Variants in RABGEF1 observed in about 807,000 individuals in gnomAD.
RABGEF1 encodes the protein rab5 GDP/GTP exchange factor.
RABGEF1 carries 26 observed loss-of-function variants against 57.3 expected under a neutral mutation model. The ratio of observed to expected loss-of-function variants is 0.45; its 90% CI spans 0.33 to 0.63. The LOEUF (loss-of-function observed/expected upper bound fraction) is 0.63, where lower values mean the gene tolerates loss of function less well. RABGEF1 is among the 20% of genes least tolerant of loss of function. The pLI, the probability that RABGEF1 is intolerant of heterozygous loss-of-function variation, is 0.02. For missense variants in RABGEF1, 464 were observed against 607.6 expected, an observed-to-expected ratio of 0.76 and a Z score of 2.48; for synonymous variants, 185 against 210.7, an observed-to-expected ratio of 0.88 and a Z score of 1.06.
chr7:66,729,778 T>C lies in RABGEF1; in HGVS notation c.-814-10218T>C, dbSNP rs1041365872. 1.1e-4 allele frequency among the ~76,000 whole-genome samples: 16 copies of C among 152,336 alleles called. No homozygotes were observed. The South Asian group carries it at 3.1e-3, about 30-fold the overall frequency. ...GAGGTGACCCTAGATGATGGATGGA[T>C]GTGGCCAGGTTGCAGGTCCTGGCTG... is the stretch of plus-strand genomic sequence containing the variant. On this transcript the variant is annotated intron_variant and NMD_transcript_variant, in intron 2 of 9. Transcript: ENST00000607882.
chr7:66,665,304 C>T, the RABGEF1 span: 1 of 120,492 alleles, frequency 8.3e-6, no homozygotes, highest in South Asian at 2.5e-4. Flanking sequence ...ACCACTATGC[C>T]GTGCTAATTT....
intron 2 of RABGEF1, among the ~76,000 whole-genome samples, chr7:66,712,705 T>A (rs1562725390): frequency 6.6e-6 from 1 of 152,208 alleles, no homozygotes; most frequent in Non-Finnish European, 1.5e-5. Flanking sequence ...ATTCCCAGGC[T>A]CAAGGGATCC....
At chr7:66,758,475 C>G (rs1803339645) in intron 1 of RABGEF1, among the ~76,000 whole-genome samples, 1 of 152,168 alleles carries the variant, frequency 6.6e-6, no homozygotes, top group Admixed American at 6.6e-5. Flanking sequence ...AACCAAGCTT[C>G]TATTTATTGG....
chr7:66,739,180 C>A (rs936073560), upstream of RABGEF1, among the ~76,000 whole-genome samples: 6 of 151,922 alleles, frequency 3.9e-5, no homozygotes, highest in Admixed American at 3.9e-4. Flanking sequence ...GAACTCCCGA[C>A]CTCAGGTGAT....
intron 1 of RABGEF1, among the ~76,000 whole-genome samples, chr7:66,761,196 G>T (rs1276987005): frequency 6.6e-6 from 1 of 152,016 alleles, no homozygotes; most frequent in Non-Finnish European, 1.5e-5. Context: ...ACACCAGCTG[G>T]GTGTCTTCTA....
the RABGEF1 span, among the ~76,000 whole-genome samples, chr7:66,661,851 G>C: frequency 6.6e-6 from 1 of 152,176 alleles, no homozygotes; most frequent in African/African-American, 2.4e-5. Flanking sequence ...ATGAACATTG[G>C]TTAAAAAATT....
At chr7:66,777,208 T>A (rs1808765635) in intron 3 of RABGEF1, among the ~76,000 whole-genome samples, 1 of 152,200 alleles carries the variant, frequency 6.6e-6, no homozygotes, top group African/African-American at 2.4e-5. Context: ...TGATATGTAG[T>A]GAAATGATAA....
chr7:66,689,026 G>C (rs1791129395), intron 1 of RABGEF1, among the ~76,000 whole-genome samples: 1 of 152,182 alleles, frequency 6.6e-6, no homozygotes, highest in East Asian at 1.9e-4. Flanking sequence ...CTGGGAGAGG[G>C]AGGTTGCAGT....
At chr7:66,793,751 C>T (rs930958581) in intron 4 of RABGEF1, among the ~76,000 whole-genome samples, 1 of 152,028 alleles carries the variant, frequency 6.6e-6, no homozygotes, top group African/African-American at 2.4e-5. Flanking sequence ...GCCATGAGTG[C>T]TTGGCCATTT....
chr7:66,779,029 C>G (rs1280028112), intron 3 of RABGEF1, among the ~76,000 whole-genome samples: 1 of 152,020 alleles, frequency 6.6e-6, no homozygotes, highest in African/African-American at 2.4e-5. Flanking sequence ...TCAGGAGAAT[C>G]GCTTGAACCC....
At chr7:66,786,171 G>A (rs905413505) in intron 4 of RABGEF1, among the ~76,000 whole-genome samples, 1 of 152,080 alleles carries the variant, frequency 6.6e-6, no homozygotes, top group South Asian at 2.1e-4. Flanking sequence ...TGTATATGCC[G>A]GTGGTGAGCA....
the RABGEF1 span, among the ~76,000 whole-genome samples, chr7:66,658,820 C>G: frequency 6.6e-6 from 1 of 152,242 alleles, no homozygotes; most frequent in South Asian, 2.1e-4. Context: ...ACTGCAAGCT[C>G]TGGCTCCCGG....
chr7:66,677,295 C>T (rs1266693150), upstream of RABGEF1, among the ~76,000 whole-genome samples: 1 of 152,096 alleles, frequency 6.6e-6, no homozygotes, highest in African/African-American at 2.4e-5. Flanking sequence ...ACATCATACT[C>T]AATGGTGAAA....
chr7:66,733,299 G>A (rs1476210595), intron 2 of RABGEF1, among the ~76,000 whole-genome samples: 5 of 152,222 alleles, frequency 3.3e-5, no homozygotes, highest in African/African-American at 1.2e-4. Flanking sequence ...CCACCCCCTC[G>A]AGGCTGCCCC....
upstream of RABGEF1, among the ~76,000 whole-genome samples, chr7:66,738,031 T>TG (rs1798245861): frequency 7.3e-6 from 1 of 136,696 alleles, no homozygotes; most frequent in African/African-American, 3.0e-5. Context: ...TTGTTTTTTT[T>TG]TTTTTTTGAG....
chr7:66,805,086 C>T (rs180932020), intron 7 of RABGEF1, 54 bp from the exon 8 acceptor site: 22 of 1,518,920 alleles, frequency 1.4e-5, no homozygotes, highest in Non-Finnish European at 1.9e-5. Flanking sequence ...TTTCCTATTG[C>T]TTCTTTTTTG....
rs1412613035 is a variant in RABGEF1 at position 66,810,991 on chromosome 7, CA to C, written c.*1710del. ...CGCACAGAAGGTGATAAGTTACTAT[CA>C]AATGCCAGTGAGAATCTTCTTATAG... On this transcript the variant is annotated 3_prime_UTR_variant, in exon 9 of 9. Coordinates refer to ENST00000284957, the MANE Select transcript of RABGEF1 (RefSeq NM_014504.3). The C allele has an allele frequency of 3.9e-5, 6 of 152,216 alleles. No homozygotes were observed. The highest frequency in any genetic ancestry group is 8.8e-5 in the Non-Finnish European group (6 of 68,042). 9.4% of individuals were successfully genotyped at this position (152,216 alleles called of 1,614,324 possible).
At chr7:66,770,256 C>G (rs1806773129) in intron 1 of RABGEF1, 1 of 152,148 alleles carries the variant, frequency 6.6e-6, no homozygotes, top group Non-Finnish European at 1.5e-5. Context: ...TTAATTTTAT[C>G]TGCACATGTG....
Position 66,775,224 on chromosome 7 carries a change from C to T in RABGEF1, c.180-3C>T, listed in dbSNP as rs1421203302. ...GTCATTCTAATCCTCTCTTGAATTG[C>T]AGACTCCAGCGGGAGGAAGAAGAGG... On this transcript the variant is annotated splice_region_variant and splice_polypyrimidine_tract_variant and intron_variant, in intron 2 of 8. Coordinates refer to ENST00000284957, the MANE Select transcript of RABGEF1 (RefSeq NM_014504.3). 2.5e-6 allele frequency: 4 copies of T among 1,607,856 alleles called. No homozygotes were observed. In the South Asian group the frequency reaches 4.4e-5, roughly 18 times the overall value.
Sources: allele counts gnomAD v4.1 joint callset (sites outside exome capture counted in the v4.1 genomes callset), GRCh38; gene constraint gnomAD v4.1.1; transcripts MANE v1.5; gene names NCBI Gene and HGNC (gene_info 2026-07-23, HGNC 2026-07-21).